The following ERICH1 variants were observed in gnomAD, a reference collection of about 807,000 sequenced individuals.
ERICH1 encodes glutamate rich 1.
ERICH1 carries 56 observed loss-of-function variants against 39.6 expected under a neutral mutation model. The ratio of observed to expected loss-of-function variants is 1.41; its 90% CI spans 1.14 to 1.77. The LOEUF (loss-of-function observed/expected upper bound fraction) is 1.77, where lower values mean the gene tolerates loss of function less well. Ranked by LOEUF, ERICH1 falls within the 40% of genes most tolerant of loss-of-function variation. ERICH1 has a pLI of 0.00. For synonymous variants in ERICH1, 313 were observed against 223.6 expected (o/e 1.40, Z -3.57); for missense variants, 826 against 575.4 (o/e 1.44, Z -4.45).
intron 2 of ERICH1, among the ~76,000 whole-genome samples, chr8:713,806 C>T (rs184312011): frequency 4.3e-4 from 66 of 152,260 alleles, no homozygotes; most frequent in African/African-American, 1.4e-3. Context: ...AACACAAATG[C>T]GTGGAGAACA....
chr8:673,540 T>C lies in ERICH1; in HGVS notation c.812A>G (p.Glu271Gly). The change falls in exon 4 of 6, where the codon GAG (glutamate) becomes GGG (glycine). Residue 271 changes from glutamate (E) to glycine (G), a missense_variant. Glu to Gly is a moderately conservative substitution (Grantham distance 98). Coordinates refer to ENST00000262109, the MANE Select transcript of ERICH1 (RefSeq NM_207332.3). Reference sequence around the variant, plus strand: ...CTCAATGGTGTCCACACCGTCCTCCTCCCTGGCGTCTTTAACGTCTTCCTC... The same window carrying C: ...CTCAATGGTGTCCACACCGTCCTCCCCCCTGGCGTCTTTAACGTCTTCCTC... The part of the protein sequence containing the change: ...AGEEDVKDAR[E>G]EDGVDTIEED... The C allele has an allele frequency of 3.7e-6, 6 of 1,613,028 alleles. No homozygotes were observed. The highest frequency in any genetic ancestry group is 5.1e-6 in the Non-Finnish European group (6 of 1,179,828).
chr8:687,347 A>G (rs1807657538), intron 3 of ERICH1, among the ~76,000 whole-genome samples: 1 of 152,214 alleles, frequency 6.6e-6, no homozygotes, highest in Non-Finnish European at 1.5e-5. Context: ...AGTTCACCAA[A>G]TATTGACTTA....
intron 3 of ERICH1, among the ~76,000 whole-genome samples, chr8:654,686 C>T (rs534665843): frequency 6.6e-6 from 1 of 152,210 alleles, no homozygotes; most frequent in Admixed American, 6.5e-5. Flanking sequence ...GTGACGTCCC[C>T]GAGGCCACCA....
chr8:684,135 G>A (rs1806774247), intron 3 of ERICH1, among the ~76,000 whole-genome samples: 2 of 151,950 alleles, frequency 1.3e-5, no homozygotes, highest in Non-Finnish European at 1.5e-5. Context: ...TCCATAAAAT[G>A]GCCAACAAAA....
intron 3 of ERICH1, chr8:626,533 C>T (rs1327675233): frequency 1.3e-5 from 2 of 155,032 alleles, no homozygotes; most frequent in East Asian, 3.8e-4. Flanking sequence ...GAGCACCAGA[C>T]AGAGCTCCCC....
chr8:620,285 C>T (rs946496918), intron 3 of ERICH1, among the ~76,000 whole-genome samples: 4 of 152,150 alleles, frequency 2.6e-5, no homozygotes, highest in African/African-American at 9.7e-5. Flanking sequence ...GCACTCCAGC[C>T]TGGGCAACAG....
chr8:717,184 G>A (rs1296761533), intron 1 of ERICH1, among the ~76,000 whole-genome samples: 2 of 152,192 alleles, frequency 1.3e-5, no homozygotes, highest in Non-Finnish European at 2.9e-5. Flanking sequence ...ACGACCTCTG[G>A]TTAAGTGGAA....
At chr8:637,789 C>T (rs1200367304) in intron 3 of ERICH1, among the ~76,000 whole-genome samples, 2 of 152,166 alleles carry the variant, frequency 1.3e-5, no homozygotes, top group African/African-American at 4.8e-5. Context: ...GTGGAGCAGC[C>T]GGGAGTCAAA....
intron 3 of ERICH1, among the ~76,000 whole-genome samples, chr8:686,124 C>T (rs1807301901): frequency 6.6e-6 from 1 of 152,166 alleles, no homozygotes; most frequent in Non-Finnish European, 1.5e-5. Context: ...CACTGCACTC[C>T]AGCTGGGATG....
rs1395257335 is a variant in ERICH1 at position 645,127 on chromosome 8, G to A, written c.976+23471C>T. ...AGAGCAGTGAACCTGAGTTTCGCTG[G>A]CCCCGGTTGAGGGGGAGGTGGGTGC... is the stretch of plus-strand genomic sequence containing the variant. On this transcript the variant is annotated intron_variant, in intron 3 of 3. Transcript: ENST00000522706. Among the ~76,000 whole-genome samples the A allele has an allele frequency of 4.3e-5, 3 of 69,018 alleles. 1 individual carries two copies. Among genetic ancestry groups the A allele is most frequent in the Admixed American group, 2.5e-4 (2 of 8,016 alleles). The allele number at this position is 69,018 out of a possible 152,430, so 45.3% of individuals were successfully genotyped here.
chr8:686,787 C>T (rs2132009166), intron 3 of ERICH1: 1 of 152,370 alleles, frequency 6.6e-6, no homozygotes, highest in East Asian at 1.9e-4. Flanking sequence ...AGAGAGCGCG[C>T]ACAGCAGGGC....
intron 3 of ERICH1, among the ~76,000 whole-genome samples, chr8:650,137 G>A (rs961131778): frequency 9.2e-5 from 14 of 152,214 alleles, no homozygotes; most frequent in Non-Finnish European, 7.3e-5. Context: ...GGAGCGCGCA[G>A]AGCTGAGGGC....
chr8:690,692 G>A (rs1212173106), intron 3 of ERICH1, among the ~76,000 whole-genome samples: 1 of 152,258 alleles, frequency 6.6e-6, no homozygotes, highest in Admixed American at 6.5e-5. Context: ...CGCAGAGCAG[G>A]GCTGCGCAAG....
chr8:655,302 C>A (rs13277578), intron 3 of ERICH1, among the ~76,000 whole-genome samples: 27,184 of 152,196 alleles, frequency 0.18, 3,099 homozygotes, highest in East Asian at 0.37. Flanking sequence ...GCCCTCATGC[C>A]ACAGGCAGGT....
In ERICH1 at chr8:616,823, G is replaced by GCAGA. The variant is rs1554476090; in HGVS notation, c.977-1540_977-1539insTCTG. 1.4e-4 allele frequency among the ~76,000 whole-genome samples: 11 copies of GCAGA among 76,248 alleles called. 2 individuals carry two copies. The highest frequency in any genetic ancestry group is 1.2e-4 in the Non-Finnish European group (5 of 42,274). The allele number at this position is 76,248 out of a possible 152,430, so 50.0% of individuals were successfully genotyped here. A position where few individuals can be genotyped will look rare whatever the true frequency, so the allele number is the denominator to read the frequency against. On this transcript the variant is annotated intron_variant, in intron 3 of 3. Coordinates refer to the ERICH1 transcript ENST00000522706. ...AGAGAGGGGGGAGGAAGAGACGGGGGGAGAGAGAGAGAAAGAGAGAGGGAG... is the reference window on the plus strand; with the variant it reads ...AGAGAGGGGGGAGGAAGAGACGGGGGCAGAGAGAGAGAGAGAAAGAGAGAGGGAG...
At chr8:691,056 A>G (rs891406246) in intron 3 of ERICH1, 6 of 152,312 alleles carry the variant, frequency 3.9e-5, no homozygotes, top group African/African-American at 1.4e-4. Context: ...TCGGCTCTGC[A>G]GCTGCAAGGC....
intron 4 of ERICH1, among the ~76,000 whole-genome samples, chr8:671,296 G>A (rs1014258249): frequency 1.3e-5 from 2 of 149,386 alleles, no homozygotes; most frequent in African/African-American, 5.0e-5. Context: ...CCCAGGCTCC[G>A]ACCTCTGAAC....
chr8:631,425 G>A (rs908112662), intron 3 of ERICH1, among the ~76,000 whole-genome samples: 3 of 152,320 alleles, frequency 2.0e-5, no homozygotes, highest in Admixed American at 6.5e-5. Context: ...TCATGCAGGC[G>A]GGTGAGGATG....
At chr8:637,679 G>C (rs1021763177) in intron 3 of ERICH1, 2 of 152,340 alleles carry the variant, frequency 1.3e-5, no homozygotes, top group African/African-American at 4.8e-5. Flanking sequence ...AACCTAGTGG[G>C]GTAGGGCAAC....
Sources: gnomAD v4.1 joint callset for allele counts (sites outside exome capture counted in the v4.1 genomes callset) on GRCh38, gnomAD v4.1.1 for gene constraint, MANE v1.5 for transcripts, NCBI Gene and HGNC (gene_info 2026-07-23, HGNC 2026-07-21) for gene names.